RBPJ: variants seen among roughly 807,000 people sequenced by gnomAD.
The protein encoded by RBPJ is recombining binding protein suppressor of hairless.
A neutral mutation model predicts 67.8 loss-of-function variants in RBPJ; 9 were observed. That is an observed-to-expected ratio of 0.13 (90% CI 0.08 to 0.23). The LOEUF (loss-of-function observed/expected upper bound fraction) is 0.23. RBPJ is among the 10% of genes least tolerant of loss of function. The pLI, the probability that RBPJ is intolerant of heterozygous loss-of-function variation, is 1.00. For missense variants in RBPJ, 305 were observed against 595.6 expected, an observed-to-expected ratio of 0.51 and a Z score of 5.08; for synonymous variants, 198 against 203.3, an observed-to-expected ratio of 0.97 and a Z score of 0.22.
At chr4:26,410,749 G>A (rs1015941575) in intron 3 of RBPJ, among the ~76,000 whole-genome samples, 1 of 152,214 alleles carries the variant, frequency 6.6e-6, no homozygotes, top group Non-Finnish European at 1.5e-5. Flanking sequence ...TTATATATTG[G>A]AATGGATAAA....
Position 26,199,588 on chromosome 4 carries a change from G to A in RBPJ, c.-167+35974G>A, listed in dbSNP as rs577798938. Among the ~76,000 whole-genome samples the A allele has an allele frequency of 7.9e-5, 12 of 152,292 alleles. No homozygotes were observed. The South Asian group carries it at 2.5e-3, about 32-fold the overall frequency. On this transcript the variant is annotated intron_variant, in intron 1 of 4. Transcript: ENST00000512351. ...TTGAGCCTGGAGTGGCTGGGGAGGG[G>A]AGAGGAAGAAAATCCCTGGAAATGA...
the RBPJ span, among the ~76,000 whole-genome samples, chr4:26,134,307 A>G: frequency 6.6e-6 from 1 of 152,110 alleles, no homozygotes; most frequent in East Asian, 1.9e-4. Context: ...GTTCTCATCT[A>G]TTTAGAGGAC....
chr4:26,107,907 A>G, the RBPJ span, among the ~76,000 whole-genome samples: 1 of 152,150 alleles, frequency 6.6e-6, no homozygotes, highest in Non-Finnish European at 1.5e-5. Context: ...CAAAAAAGAA[A>G]AAGAAGATTC....
At chr4:26,419,815 T>C (rs1200566540) in intron 4 of RBPJ, among the ~76,000 whole-genome samples, 1 of 152,202 alleles carries the variant, frequency 6.6e-6, no homozygotes, top group African/African-American at 2.4e-5. Flanking sequence ...TGTAAAGTGC[T>C]ATATCTCTTT....
chr4:26,134,849 A>G, the RBPJ span, among the ~76,000 whole-genome samples: 1 of 152,304 alleles, frequency 6.6e-6, no homozygotes, highest in Non-Finnish European at 1.5e-5. Context: ...AGAGCTGGTC[A>G]CCAGGAGCTT....
At position 26,279,890 on chromosome 4, in the gene RBPJ, C is replaced by T. The variant is rs917443113; in HGVS notation, c.-166-82556C>T. Among the ~76,000 whole-genome samples, 20 of 151,218 alleles carry T rather than the reference C, an allele frequency of 1.3e-4. 1 individual carries two copies. The highest frequency in any genetic ancestry group is 4.6e-4 in the African/African-American group (19 of 41,334). On this transcript the variant is annotated intron_variant, in intron 1 of 4. Transcript: ENST00000512351. ...GCAGCCTCGACTTCTTGGGCTCAACCAATCCTCCCATCTCAGCCTCCCAAG... is the reference window on the plus strand; with the variant it reads ...GCAGCCTCGACTTCTTGGGCTCAACTAATCCTCCCATCTCAGCCTCCCAAG...
chr4:26,161,262 G>T (rs563479074), upstream of RBPJ, among the ~76,000 whole-genome samples: 2 of 152,314 alleles, frequency 1.3e-5, no homozygotes, highest in East Asian at 3.9e-4. Flanking sequence ...AGCCATCCCA[G>T]CTAAGATCAT....
At chr4:26,173,908 C>T (rs762123152) in intron 1 of RBPJ, among the ~76,000 whole-genome samples, 16 of 152,090 alleles carry the variant, frequency 1.1e-4, no homozygotes, top group Non-Finnish European at 1.9e-4. Flanking sequence ...ACGTGATAAG[C>T]GCAATAGGAG....
upstream of RBPJ, among the ~76,000 whole-genome samples, chr4:26,318,675 C>T (rs1230118721): frequency 6.6e-6 from 1 of 152,104 alleles, no homozygotes; most frequent in African/African-American, 2.4e-5. Flanking sequence ...CTACCCAGCT[C>T]ACAGGGCCAG....
the RBPJ span, among the ~76,000 whole-genome samples, chr4:26,110,603 A>G: frequency 3.8e-3 from 575 of 152,346 alleles, 1 homozygote; most frequent in Admixed American, 7.6e-3. This position sits in a 1 kb window ranked among gnomAD's most constrained non-coding sequence, Gnocchi z 4.5. Flanking sequence ...AGCTTCCCAA[A>G]GAATAACCGG....
rs549347570 is a variant in RBPJ, at chr4:26,345,171, G to A, written c.20+24123G>A. On this transcript the variant is annotated intron_variant, in intron 1 of 10. Transcript: ENST00000355476. The stretch of plus-strand genomic sequence containing the variant: ...ATAAGAGATATAAAGGTTTTCCAGT[G>A]AGTTACTTCTGATTCATAACCAAAT... Among the ~76,000 whole-genome samples, 12 of 152,264 alleles carry A rather than the reference G, an allele frequency of 7.9e-5. No homozygotes were observed. The East Asian group carries it at 2.1e-3, about 27-fold the overall frequency.
At chr4:26,320,992 T>C, upstream of RBPJ, 1 of 1,613,206 alleles carries the variant, frequency 6.2e-7, no homozygotes, top group Non-Finnish European at 8.5e-7. Context: ...GGGGGGAATC[T>C]CGCGAGGGTT....
chr4:26,149,419 G>A, the RBPJ span, among the ~76,000 whole-genome samples: 1 of 152,190 alleles, frequency 6.6e-6, no homozygotes, highest in African/African-American at 2.4e-5. Context: ...GTACTAAGCA[G>A]TGTTACTTTC....
At chr4:26,243,443 T>C (rs2109222011) in intron 1 of RBPJ, among the ~76,000 whole-genome samples, 1 of 152,340 alleles carries the variant, frequency 6.6e-6, no homozygotes, top group African/African-American at 2.4e-5. Context: ...TCCACTATGG[T>C]GAGTTTGACA....
chr4:26,214,402 AAGAG>A (rs370702501), intron 1 of RBPJ, among the ~76,000 whole-genome samples: 3 of 133,658 alleles, frequency 2.2e-5, no homozygotes, highest in African/African-American at 8.7e-5. Flanking sequence ...GGAGGGAGGG[AAGAG>A]AGAGAGAAAG....
At position 26,431,509 on chromosome 4, in the gene RBPJ, C is replaced by G. The variant is rs1308382967; in HGVS notation, c.*502C>G. On this transcript the variant is annotated 3_prime_UTR_variant, in exon 11 of 11. Transcript: ENST00000355476. The stretch of plus-strand genomic sequence containing the variant: ...GTTCTCTTCCCCACCCACCTTTGAG[C>G]TTTTGCTCTAAAATACATTCAGGTT... 7 of 152,344 alleles carry G rather than the reference C, an allele frequency of 4.6e-5. No homozygotes were observed. Among genetic ancestry groups the G allele is most frequent in the African/African-American group, 1.7e-4 (7 of 41,172 alleles). 9.4% of individuals were successfully genotyped at this position (152,344 alleles called of 1,614,324 possible).
chr4:26,355,119 A>C (rs1055721161), intron 1 of RBPJ, among the ~76,000 whole-genome samples: 1 of 152,122 alleles, frequency 6.6e-6, no homozygotes, highest in Admixed American at 6.5e-5. Flanking sequence ...CATGGCTCAC[A>C]GCAGCCTCAA....
At chr4:26,186,606 C>T (rs1717272184) in intron 1 of RBPJ, among the ~76,000 whole-genome samples, 1 of 152,126 alleles carries the variant, frequency 6.6e-6, no homozygotes, top group South Asian at 2.1e-4. Context: ...CAGTGAGGTG[C>T]TGAGATGTAC....
At chr4:26,232,723 A>G (rs1719332138) in intron 1 of RBPJ, among the ~76,000 whole-genome samples, 1 of 152,214 alleles carries the variant, frequency 6.6e-6, no homozygotes, top group South Asian at 2.1e-4. Context: ...GAAAGATTTC[A>G]GAGTGGAGTT....
Sources: allele counts gnomAD v4.1 joint callset (sites outside exome capture counted in the v4.1 genomes callset), GRCh38; gene constraint gnomAD v4.1.1; non-coding constraint Gnocchi (gnomAD v3.1); transcripts MANE v1.5; gene names NCBI Gene and HGNC (gene_info 2026-07-23, HGNC 2026-07-21).